DNAJC1: variants seen among roughly 807,000 people sequenced by gnomAD.
DNAJC1 encodes DnaJ heat shock protein family (Hsp40) member C1.
In DNAJC1, 58 loss-of-function variants were observed where a neutral mutation model predicts 76.6. That is an observed-to-expected ratio of 0.76 (90% CI 0.61 to 0.94). The LOEUF is 0.94. DNAJC1 is among the 40% of genes least tolerant of loss of function. DNAJC1 has a pLI of 0.00. For synonymous variants in DNAJC1, 258 were observed against 267.9 expected, an observed-to-expected ratio of 0.96 and a Z score of 0.36; for missense variants, 689 against 677.3, an observed-to-expected ratio of 1.02 and a Z score of -0.19.
chr10:21,928,979 T>C (rs1837173564), intron 2 of DNAJC1, 61 bp downstream of exon 2: 3 of 1,020,340 alleles, frequency 2.9e-6, no homozygotes, highest in Admixed American at 2.8e-5. Flanking sequence ...TGAATATTTC[T>C]ACCATCGACA....
At chr10:21,821,600 T>C (rs1420319981) in intron 8 of DNAJC1, among the ~76,000 whole-genome samples, 1 of 152,126 alleles carries the variant, frequency 6.6e-6, no homozygotes, top group African/African-American at 2.4e-5. Context: ...TCTAGATATA[T>C]TAATAGACAT....
At chr10:21,892,863 C>T (rs540798726) in intron 7 of DNAJC1, among the ~76,000 whole-genome samples, 2 of 151,876 alleles carry the variant, frequency 1.3e-5, no homozygotes, top group Non-Finnish European at 2.9e-5. Context: ...GTGCACCAAA[C>T]AACAGAGCTG....
chr10:21,982,671 C>G (rs537309611), intron 1 of DNAJC1, among the ~76,000 whole-genome samples: 2 of 149,312 alleles, frequency 1.3e-5, no homozygotes, highest in African/African-American at 4.9e-5. Flanking sequence ...AAATGCAAAT[C>G]AAAACCACAA....
At chr10:21,808,633 T>G (rs1020178103) in intron 8 of DNAJC1, among the ~76,000 whole-genome samples, 32 of 152,196 alleles carry the variant, frequency 2.1e-4, no homozygotes, top group African/African-American at 6.8e-4. Flanking sequence ...TAGTTGTGTC[T>G]TTAGAAGCAA....
intron 1 of DNAJC1, among the ~76,000 whole-genome samples, chr10:21,975,070 TA>T (rs1159064243): frequency 2.0e-5 from 3 of 152,110 alleles, no homozygotes; most frequent in Non-Finnish European, 2.9e-5. Context: ...CACAGTGGAC[TA>T]GGGGTACTCA....
intron 9 of DNAJC1, among the ~76,000 whole-genome samples, chr10:21,779,141 C>G (rs1320348602): frequency 6.6e-6 from 1 of 152,342 alleles, no homozygotes; most frequent in South Asian, 2.1e-4. Flanking sequence ...AGGAGGCCTG[C>G]CTGCCTCTGT....
In DNAJC1 at chr10:21,836,084, G is replaced by A. The variant is rs150910369; in HGVS notation, c.979-29985C>T. Reference sequence around the variant, plus strand: ...TTAAGGGCAGCCAGAGAGAAAGGTCGGGTTACCCACAAAGGGAAGCCCATC... The same window carrying A: ...TTAAGGGCAGCCAGAGAGAAAGGTCAGGTTACCCACAAAGGGAAGCCCATC... On this transcript the variant is annotated intron_variant, in intron 8 of 11. Transcript: ENST00000376980. 5.1e-3 allele frequency among the ~76,000 whole-genome samples: 776 copies of A among 152,200 alleles called. 16 individuals are homozygous for A. The East Asian group carries it at 0.076, about 15-fold the overall frequency.
intron 1 of DNAJC1, among the ~76,000 whole-genome samples, chr10:21,998,211 C>T (rs1838450431): frequency 6.6e-6 from 1 of 151,516 alleles, no homozygotes; most frequent in Non-Finnish European, 1.5e-5. Flanking sequence ...ACCAACATGG[C>T]GAAACCCCAT....
chr10:21,818,749 C>T (rs1020450672), intron 8 of DNAJC1, among the ~76,000 whole-genome samples: 3 of 152,096 alleles, frequency 2.0e-5, no homozygotes, highest in African/African-American at 4.8e-5. Context: ...TGAGTAAGAC[C>T]CAACTTTTGC....
chr10:21,959,765 G>C lies in DNAJC1; in HGVS notation c.223-30624C>G, dbSNP rs548429594. 2.5e-4 allele frequency among the ~76,000 whole-genome samples: 35 copies of C among 140,250 alleles called. 1 individual carries two copies. The South Asian group carries it at 7.6e-3, about 31-fold the overall frequency. 92.0% of individuals were successfully genotyped at this position (140,250 alleles called of 152,430 possible). A position where few individuals can be genotyped will look rare whatever the true frequency, so the allele number is the denominator to read the frequency against. ...AGTGCCGCTTCACTTCAGCCTAGGC[G>C]ACAGAGGGAGACTCCATCTCAAAAA... On this transcript the variant is annotated intron_variant, in intron 1 of 11. Transcript: ENST00000376980.
intron 1 of DNAJC1, among the ~76,000 whole-genome samples, chr10:21,994,660 G>A (rs1279394937): frequency 1.6e-4 from 24 of 151,980 alleles, no homozygotes; most frequent in Admixed American, 5.9e-4. Context: ...GCATGGTGGC[G>A]GGCGCCTGTA....
At chr10:21,856,759 A>G (rs2793353) in intron 8 of DNAJC1, among the ~76,000 whole-genome samples, 117,810 of 151,344 alleles carry the variant, frequency 0.78, 46,790 homozygotes, top group East Asian at 0.99. Flanking sequence ...TTTTTGAGAC[A>G]GAGTCTCACT....
intron 8 of DNAJC1, among the ~76,000 whole-genome samples, chr10:21,839,008 A>C (rs1351586578): frequency 6.6e-6 from 1 of 152,224 alleles, no homozygotes; most frequent in Non-Finnish European, 1.5e-5. Flanking sequence ...CTACTGGGTA[A>C]ATAAAGAAAG....
intron 1 of DNAJC1, among the ~76,000 whole-genome samples, chr10:21,941,247 C>A (rs980180437): frequency 1.0e-4 from 12 of 117,596 alleles, no homozygotes; most frequent in Admixed American, 3.6e-4. Context: ...CCAGCCTGGG[C>A]GACAGAGCAA....
chr10:21,840,685 A>AT (rs1353714896), intron 8 of DNAJC1, among the ~76,000 whole-genome samples: 1 of 152,314 alleles, frequency 6.6e-6, no homozygotes, highest in African/African-American at 2.4e-5. Context: ...GCCCAAGGTA[A>AT]TTTATAGATT....
intron 4 of DNAJC1, 144 bp downstream of exon 4, chr10:21,920,654 A>G: frequency 1.5e-6 from 1 of 647,882 alleles, no homozygotes; most frequent in Non-Finnish European, 2.3e-6. Flanking sequence ...TTGACTTAGA[A>G]ATATGTCAAA....
chr10:21,928,218 T>C (rs144468570), intron 3 of DNAJC1, among the ~76,000 whole-genome samples: 1 of 152,296 alleles, frequency 6.6e-6, no homozygotes, highest in African/African-American at 2.4e-5. Context: ...GCAGTATTTG[T>C]ATCTCCCAGG....
At chr10:21,777,871 T>C (rs1834473429) in intron 9 of DNAJC1, among the ~76,000 whole-genome samples, 1 of 152,174 alleles carries the variant, frequency 6.6e-6, no homozygotes, top group Non-Finnish European at 1.5e-5. Context: ...ACTGTCACAT[T>C]TCATCCCCAA....
At chr10:21,992,080 G>T (rs1279296536) in intron 1 of DNAJC1, among the ~76,000 whole-genome samples, 2 of 152,228 alleles carry the variant, frequency 1.3e-5, no homozygotes, top group African/African-American at 4.8e-5. Context: ...GGAGGCCAAG[G>T]TTGGCGGATC....
Sources: gnomAD v4.1 joint callset for allele counts (sites outside exome capture counted in the v4.1 genomes callset) on GRCh38, gnomAD v4.1.1 for gene constraint, MANE v1.5 for transcripts, NCBI Gene and HGNC (gene_info 2026-07-23, HGNC 2026-07-21) for gene names.